The following PLEKHG1 variants were observed in gnomAD, a reference collection of about 807,000 sequenced individuals.
PLEKHG1 encodes the protein pleckstrin homology and RhoGEF domain containing G1.
In PLEKHG1, 44 loss-of-function variants were observed where a neutral mutation model predicts 100.8. The ratio of observed to expected loss-of-function variants is 0.44; its 90% CI spans 0.34 to 0.56. The LOEUF is 0.56. Ranked by LOEUF, PLEKHG1 falls within the 20% of genes least tolerant of loss-of-function variation. The pLI is 0.01. For synonymous variants in PLEKHG1, 640 were observed against 662.5 expected (o/e 0.97, Z 0.52); for missense variants, 1,545 against 1,720.9 (o/e 0.90, Z 1.81).
intron 2 of PLEKHG1, among the ~76,000 whole-genome samples, chr6:150,766,441 A>G (rs557041542): frequency 6.6e-6 from 1 of 152,366 alleles, no homozygotes; most frequent in African/African-American, 2.4e-5. Flanking sequence ...CTGTGAATGC[A>G]GGGCATGCTG....
intron 1 of PLEKHG1, among the ~76,000 whole-genome samples, chr6:150,722,346 TTTC>T (rs1781731646): frequency 7.5e-6 from 1 of 133,414 alleles, no homozygotes; most frequent in African/African-American, 2.7e-5. Flanking sequence ...TTCTTTTTCT[TTTC>T]TTTTTTTTTT....
At chr6:150,820,242 C>A (rs1179386901) in intron 12 of PLEKHG1, among the ~76,000 whole-genome samples, 5 of 151,966 alleles carry the variant, frequency 3.3e-5, no homozygotes, top group African/African-American at 1.2e-4. Context: ...CTTAATGTTT[C>A]CCAGTGACTA....
intron 15 of PLEKHG1, among the ~76,000 whole-genome samples, chr6:150,833,119 T>C: frequency 6.6e-6 from 1 of 151,206 alleles, no homozygotes; most frequent in East Asian, 1.9e-4. Flanking sequence ...CATGGCTTAC[T>C]GCAGCCTCTG....
chr6:150,630,817 A>C (rs1007668285), intron 1 of PLEKHG1, among the ~76,000 whole-genome samples: 6 of 152,168 alleles, frequency 3.9e-5, no homozygotes, highest in Non-Finnish European at 4.4e-5. Context: ...AGGGCACCCC[A>C]GCACTTGGAA....
chr6:150,759,423 A>G (rs893389956), intron 2 of PLEKHG1, among the ~76,000 whole-genome samples: 16 of 152,260 alleles, frequency 1.1e-4, no homozygotes, highest in African/African-American at 2.9e-4. Flanking sequence ...TCTCAAAATT[A>G]ATCATCAGCA....
chr6:150,800,621 T>G, intron 5 of PLEKHG1, 98 bp from the exon 7 acceptor site: 1 of 1,106,294 alleles, frequency 9.0e-7, no homozygotes, highest in South Asian at 1.4e-5. Context: ...GGAGCTACCC[T>G]ACTCATTTTA....
At chr6:150,747,572 A>T (rs1204541803) in intron 2 of PLEKHG1, among the ~76,000 whole-genome samples, 2 of 152,162 alleles carry the variant, frequency 1.3e-5, no homozygotes, top group African/African-American at 4.8e-5. Context: ...CGTTTTTTAA[A>T]TTGTGGTAAC....
chr6:150,804,161 A>C lies in PLEKHG1; in HGVS notation c.781-449A>C, dbSNP rs923637318. ...ATGCTGGTGTGTAAATATTTTATAT[A>C]TATATATATATATATTTTTTTTTTT... is the stretch of plus-strand genomic sequence containing the variant. On this transcript the variant is annotated intron_variant, in intron 6 of 15. Coordinates refer to ENST00000358517, the Ensembl canonical transcript of PLEKHG1. Among the ~76,000 whole-genome samples the C allele has an allele frequency of 1.7e-3, 55 of 31,904 alleles. 3 individuals are homozygous for C. Among genetic ancestry groups the C allele is most frequent in the East Asian group, 0.01 (14 of 1,334 alleles). The allele number at this position is 31,904 out of a possible 152,430, so 20.9% of individuals were successfully genotyped here.
intron 1 of PLEKHG1, among the ~76,000 whole-genome samples, chr6:150,619,802 G>C (rs903204673): frequency 3.3e-5 from 5 of 152,160 alleles, no homozygotes; most frequent in Admixed American, 6.5e-5. Flanking sequence ...CCAGGGACCA[G>C]GGCTTAGGAT....
At chr6:150,739,941 GA>G in intron 2 of PLEKHG1, among the ~76,000 whole-genome samples, 1 of 152,304 alleles carries the variant, frequency 6.6e-6, no homozygotes, top group East Asian at 1.9e-4. Context: ...GAAACACATT[GA>G]AAGCTATTCT....
chr6:150,710,230 G>A (rs1781195761), intron 3 of PLEKHG1, among the ~76,000 whole-genome samples: 1 of 152,174 alleles, frequency 6.6e-6, no homozygotes, highest in Admixed American at 6.5e-5. Flanking sequence ...CTGATCCTGG[G>A]AAATACTCAA....
intron 13 of PLEKHG1, among the ~76,000 whole-genome samples, chr6:150,822,991 A>C (rs936829194): frequency 6.6e-6 from 1 of 152,322 alleles, no homozygotes; most frequent in South Asian, 2.1e-4. Context: ...AAAAAAATAA[A>C]AAATAAATAA....
intron 10 of PLEKHG1, 129 bp from the exon 12 acceptor site, chr6:150,818,054 A>C: frequency 1.3e-6 from 1 of 760,730 alleles, no homozygotes; most frequent in Non-Finnish European, 2.2e-6. Flanking sequence ...TAAATGCTTA[A>C]CATAAATAGC....
chr6:150,809,251 G>C, exon 8 of PLEKHG1: 2 of 1,614,200 alleles, frequency 1.2e-6, no homozygotes, highest in Non-Finnish European at 1.7e-6. Context: ...TCACGAAGAA[G>C]AGAGATGACA....
At chr6:150,714,757 C>T (rs889899294) in intron 3 of PLEKHG1, among the ~76,000 whole-genome samples, 3 of 151,860 alleles carry the variant, frequency 2.0e-5, no homozygotes, top group Non-Finnish European at 4.4e-5. Context: ...CATTTAATTT[C>T]TTCTATACTT....
At chr6:150,823,477 G>C (rs1416653876) in intron 13 of PLEKHG1, among the ~76,000 whole-genome samples, 177 bp from the exon 15 acceptor site, 1 of 152,086 alleles carries the variant, frequency 6.6e-6, no homozygotes, top group Non-Finnish European at 1.5e-5. Flanking sequence ...GTAGTGTGGG[G>C]GTATGCAGCT....
At chr6:150,665,446 C>T (rs1047668758) in intron 3 of PLEKHG1, among the ~76,000 whole-genome samples, 7 of 151,866 alleles carry the variant, frequency 4.6e-5, no homozygotes, top group East Asian at 1.9e-4. Context: ...CTGGCTAACA[C>T]GGTGAAACCC....
chr6:150,651,560 A>G (rs1023833956), intron 3 of PLEKHG1, among the ~76,000 whole-genome samples: 1 of 152,152 alleles, frequency 6.6e-6, no homozygotes, highest in South Asian at 2.1e-4. Flanking sequence ...AACAGAAAAA[A>G]CTATTCTCAG....
chr6:150,730,110 C>T (rs1056677664), intron 1 of PLEKHG1, among the ~76,000 whole-genome samples: 3 of 152,090 alleles, frequency 2.0e-5, no homozygotes, highest in African/African-American at 7.2e-5. Context: ...TCCTGATCAT[C>T]AATGTAGTGC....
Sources: allele counts gnomAD v4.1 joint callset (sites outside exome capture counted in the v4.1 genomes callset), GRCh38; gene constraint gnomAD v4.1.1; transcripts MANE v1.5; gene names NCBI Gene and HGNC (gene_info 2026-07-23, HGNC 2026-07-21).